VGLL1: variants seen among roughly 807,000 people sequenced by gnomAD.
VGLL1 encodes the protein vestigial like family member 1, also known as transcription cofactor vestigial-like protein 1.
In VGLL1, 4 loss-of-function variants were observed where a neutral mutation model predicts 12.0. The ratio of observed to expected loss-of-function variants is 0.33; its 90% CI spans 0.16 to 0.76. VGLL1 has a LOEUF of 0.76. Among genes scored for constraint, VGLL1 ranks in the 30% least tolerant of loss-of-function variants. The pLI is 0.60. For synonymous variants in VGLL1, 87 were observed against 81.2 expected, an observed-to-expected ratio of 1.07 and a Z score of -0.39; for missense variants, 204 against 208.7, an observed-to-expected ratio of 0.98 and a Z score of 0.14.
intron 4 of VGLL1, among the ~76,000 whole-genome samples, chrX:136,553,753 TCTC>T (rs1313345904): frequency 8.9e-6 from 1 of 111,807 alleles, no homozygotes; most frequent in African/African-American, 3.2e-5. Flanking sequence ...GGAGGCAGAG[TCTC>T]CTCCTGCCCC....
chrX:136,539,318 A>T (rs1241118790), intron 2 of VGLL1, among the ~76,000 whole-genome samples: 1 of 111,416 alleles, frequency 9.0e-6, no homozygotes. Context: ...ATTGGTATTT[A>T]TGTGTACTCT....
intron 1 of VGLL1, among the ~76,000 whole-genome samples, chrX:136,532,625 C>CTTTA (rs2075827054): frequency 1.1e-5 from 1 of 93,639 alleles, no homozygotes; most frequent in South Asian, 5.2e-4. Context: ...TTCTTTCTTT[C>CTTTA]TTTCTTTCTT....
Position 136,551,510 on chromosome X carries a change from T to A in VGLL1, c.688+689T>A, listed in dbSNP as rs181223033. Among the ~76,000 whole-genome samples, 16 of 111,889 alleles carry A rather than the reference T, an allele frequency of 1.4e-4. No homozygotes were observed. The East Asian group carries it at 3.1e-3, about 22-fold the overall frequency. On this transcript the variant is annotated intron_variant, in intron 4 of 4. Transcript: ENST00000370634. The stretch of plus-strand genomic sequence containing the variant: ...GACAGGAGGATCTTCATGACCTGGG[T>A]TCAGGGTCAATTGCCAGCTTTATTA...
chrX:136,547,166 A>G (rs2075871852), intron 2 of VGLL1, among the ~76,000 whole-genome samples: 1 of 112,450 alleles, frequency 8.9e-6, no homozygotes, highest in African/African-American at 3.2e-5. Flanking sequence ...CCAGCCGGCT[A>G]ATCTTCCTTT....
chrX:136,551,965 C>G (rs1344009707), intron 4 of VGLL1, among the ~76,000 whole-genome samples: 1 of 111,091 alleles, frequency 9.0e-6, no homozygotes, highest in Non-Finnish European at 1.9e-5. Flanking sequence ...ACTACCACAG[C>G]CCCTGATCTC....
chrX:136,541,869 C>T (rs2075857110), intron 2 of VGLL1, among the ~76,000 whole-genome samples: 1 of 112,647 alleles, frequency 8.9e-6, no homozygotes. Flanking sequence ...TTTATACTGG[C>T]TGTACTTCAG....
intron 3 of VGLL1, 87 bp from the exon 4 acceptor site, chrX:136,550,681 A>G: frequency 1.5e-6 from 1 of 671,240 alleles, no homozygotes; most frequent in Admixed American, 2.8e-5. Context: ...GGGCCAGGCA[A>G]TGTGGGGCCC....
Position 136,548,869 on chromosome X carries a change from T to C in VGLL1, c.495T>C (p.Arg165=). ...LVPEPQPDGK[R]EPLLSLLQQD... ...CAGAGCCCCAGCCTGATGGGAAACGTGAGCCTCTCCTAAGTCTCCTCCAGC... is the reference window on the plus strand; with the variant it reads ...CAGAGCCCCAGCCTGATGGGAAACGCGAGCCTCTCCTAAGTCTCCTCCAGC... Residue 165 remains arginine (R), a synonymous_variant, in exon 3 of 5, where the codon CGT becomes CGC. Coordinates refer to ENST00000370634, the MANE Select transcript of VGLL1 (RefSeq NM_016267.4). 1 of 1,212,208 alleles carries C rather than the reference T, an allele frequency of 8.2e-7. No individual in the cohort carries two copies. The highest frequency in any genetic ancestry group is 1.1e-6 in the Non-Finnish European group (1 of 895,637).
At position 136,544,733 on chromosome X, in the gene VGLL1, T is replaced by A. The variant is rs146471268; in HGVS notation, c.215-3856T>A. Among the ~76,000 whole-genome samples the A allele has an allele frequency of 8.1e-3, 908 of 112,297 alleles. 3 individuals are homozygous for A. The highest frequency in any genetic ancestry group is 0.012 in the Non-Finnish European group (643 of 53,233). The stretch of plus-strand genomic sequence containing the variant: ...TTCCTGCCCACCTCTGATGTGTTAT[T>A]CCCTGGGAATGGCCACAGACTGAGC... On this transcript the variant is annotated intron_variant, in intron 2 of 4. Transcript: ENST00000370634.
chrX:136,550,951 C>A, intron 4 of VGLL1, 130 bp downstream of exon 4: 1 of 561,578 alleles, frequency 1.8e-6, no homozygotes, highest in Non-Finnish European at 3.0e-6. Flanking sequence ...TGGACGGGAG[C>A]CTTATTTCTA....
At position 136,549,023 on chromosome X, in the gene VGLL1, A is replaced by G; in HGVS notation, c.634+15A>G. 1 of 1,190,957 alleles carries G rather than the reference A, an allele frequency of 8.4e-7. No homozygotes were observed. The highest frequency in any genetic ancestry group is 1.7e-5 in the African/African-American group (1 of 57,363). ...CTCAGTTCACTGTAAGGAAATGCCT[A>G]CAGATACTTGGAGGGGTGCCTCTGA... On this transcript the variant is annotated intron_variant, in intron 3 of 4. Transcript: ENST00000370634.
rs187723296 is a variant in VGLL1 at position 136,541,748 on chromosome X, A to G, written c.214+5514A>G. Among the ~76,000 whole-genome samples the G allele has an allele frequency of 2.5e-3, 278 of 112,170 alleles. 2 individuals are homozygous for G. The highest frequency in any genetic ancestry group is 8.6e-3 in the African/African-American group (267 of 30,894). On this transcript the variant is annotated intron_variant, in intron 2 of 4. Transcript: ENST00000370634. The stretch of plus-strand genomic sequence containing the variant: ...CCCACATTCTAAGGGCTCTCTGTTG[A>G]GCCAAATATGCAAGTCCCAAACACA...
chrX:136,534,108 C>T (rs1358461366), intron 1 of VGLL1, among the ~76,000 whole-genome samples: 1 of 112,562 alleles, frequency 8.9e-6, no homozygotes, highest in African/African-American at 3.2e-5. Context: ...GTTTTTATTT[C>T]TGTCCCTTCA....
intron 4 of VGLL1, among the ~76,000 whole-genome samples, chrX:136,552,309 T>C (rs1400025943): frequency 8.9e-6 from 1 of 111,889 alleles, no homozygotes; most frequent in Non-Finnish European, 1.9e-5. Context: ...AGGAGATTCA[T>C]TTAGAGCTGG....
intron 2 of VGLL1, among the ~76,000 whole-genome samples, chrX:136,537,829 G>A (rs1456687937): frequency 9.2e-6 from 1 of 109,052 alleles, no homozygotes; most frequent in African/African-American, 3.4e-5. Context: ...GCCTTCCAAA[G>A]TGCTGGTATT....
chrX:136,538,227 C>G (rs2075845755), intron 2 of VGLL1, among the ~76,000 whole-genome samples: 2 of 111,933 alleles, frequency 1.8e-5, no homozygotes, highest in Non-Finnish European at 3.8e-5. Context: ...TTTCACGGAC[C>G]CTGGACACTT....
chrX:136,535,327 A>G (rs901776566), intron 1 of VGLL1, among the ~76,000 whole-genome samples: 4 of 112,358 alleles, frequency 3.6e-5, no homozygotes, highest in Non-Finnish European at 7.5e-5. Context: ...AATGGTGACA[A>G]CATTGGTATA....
At chrX:136,555,318 G>T (rs184541495) in intron 4 of VGLL1, among the ~76,000 whole-genome samples, 1 of 112,334 alleles carries the variant, frequency 8.9e-6, no homozygotes, top group Admixed American at 9.4e-5. Context: ...GAGCCAGATT[G>T]AAGTGGGCTG....
rs771430379 is a variant in VGLL1, at chrX:136,536,098, G to A, written c.78G>A (p.Arg26=). ...CTATAAAGACGGAATGGAATTCCCGGTGTGTCCTTTTCACCTACTTCCAAG... is the reference window on the plus strand; with the variant it reads ...CTATAAAGACGGAATGGAATTCCCGATGTGTCCTTTTCACCTACTTCCAAG... ...QKPIKTEWNS[R]CVLFTYFQGD... is the part of the protein sequence containing the mutation. The change falls in exon 2 of 5, where the codon CGG becomes CGA. Residue 26 remains arginine (R), a synonymous_variant. Coordinates refer to ENST00000370634, the MANE Select transcript of VGLL1 (RefSeq NM_016267.4). 6.6e-6 allele frequency: 8 copies of A among 1,209,608 alleles called. No individual in the cohort carries two copies. In the East Asian group the frequency reaches 2.4e-4, roughly 36 times the overall value.
Sources: allele counts gnomAD v4.1 joint callset (sites outside exome capture counted in the v4.1 genomes callset), GRCh38; gene constraint gnomAD v4.1.1; transcripts MANE v1.5; gene names NCBI Gene and HGNC (gene_info 2026-07-23, HGNC 2026-07-21).